IGSF9B: variants seen among roughly 807,000 people sequenced by gnomAD.
The protein encoded by IGSF9B is protein turtle homolog B.
In IGSF9B, 48 loss-of-function variants were observed where a neutral mutation model predicts 143.7. The ratio of observed to expected loss-of-function variants is 0.33; its 90% confidence interval spans 0.26 to 0.42. The LOEUF (loss-of-function observed/expected upper bound fraction) is 0.42. IGSF9B is among the 20% of genes least tolerant of loss of function. The pLI, the probability that IGSF9B is intolerant of heterozygous loss-of-function variation, is 1.00. For missense variants in IGSF9B, 1,706 were observed against 1,980.0 expected (o/e 0.86, Z 2.63); for synonymous variants, 903 against 833.1 (o/e 1.08, Z -1.44).
At chr11:133,932,042 C>T (rs1939741347) in intron 8 of IGSF9B, 29 bp downstream of exon 8, 1 of 1,594,846 alleles carries the variant, frequency 6.3e-7, no homozygotes, top group Admixed American at 1.7e-5. Context: ...AGCCCTCACT[C>T]CAACCCTCAA....
In IGSF9B at chr11:133,926,959, C is replaced by G. The variant is rs1243105005; in HGVS notation, c.1764G>C (p.Leu588=). ...CCACCTCACTGAAGGCGCTGGTTCC[C>G]AGCTTGTTCTGGGCCAGGACGCTGA... ...YQFSVLAQNK[L]GTSAFSEVVT... Residue 588 remains leucine, a synonymous_variant, in exon 13 of 20, where the codon CTG becomes CTC. Transcript: ENST00000533871. The G allele has an allele frequency of 1.9e-6, 3 of 1,597,738 alleles. No homozygotes were observed. Among genetic ancestry groups the G allele is most frequent in the Non-Finnish European group, 2.6e-6 (3 of 1,172,566 alleles).
At chr11:133,946,902 C>G (rs1023607995) in intron 1 of IGSF9B, among the ~76,000 whole-genome samples, 6 of 152,180 alleles carry the variant, frequency 3.9e-5, no homozygotes, top group South Asian at 2.1e-4. Context: ...CAGGCTGAGC[C>G]GGCCTCTCCA....
At chr11:133,939,064 C>A (rs1316263235) in intron 3 of IGSF9B, among the ~76,000 whole-genome samples, 1 of 152,222 alleles carries the variant, frequency 6.6e-6, no homozygotes, top group East Asian at 1.9e-4. Context: ...CTAGTCAGAG[C>A]GCTATAGGAT....
intron 13 of IGSF9B, 82 bp downstream of exon 13, chr11:133,926,834 G>T: frequency 8.3e-7 from 1 of 1,201,694 alleles, no homozygotes; most frequent in Non-Finnish European, 1.2e-6. Context: ...GCACACAGGA[G>T]GCCGACTGCT....
In IGSF9B at chr11:133,919,848, C is replaced by T; in HGVS notation, c.3877G>A (p.Gly1293Arg). Residue 1293 changes from glycine to arginine, a missense_variant, in exon 18 of 20, where the codon GGG becomes AGG. Transcript: ENST00000533871. The part of the protein sequence containing the change: ...PSPPPGPAPA[G>R]PGDSLDVFGQ... ...AACACGTCCAAGCTGTCCCCAGGCC[C>T]AGCAGGGGCGGGGCCGGGTGGAGGG... 1 of 1,584,030 alleles carries T rather than the reference C, an allele frequency of 6.3e-7. No individual in the cohort carries two copies. Among genetic ancestry groups the T allele is most frequent in the Non-Finnish European group, 8.6e-7 (1 of 1,164,804 alleles).
At chr11:133,952,456 C>T (rs1376524743) in intron 1 of IGSF9B, among the ~76,000 whole-genome samples, 2 of 152,214 alleles carry the variant, frequency 1.3e-5, no homozygotes, top group Non-Finnish European at 2.9e-5. Flanking sequence ...TCTCTCTGCT[C>T]TCAGGGCTGC....
At position 133,913,986 on chromosome 11, in the gene IGSF9B, G is replaced by A. The variant is rs1939339902; in HGVS notation, c.3984-1979C>T. On this transcript the variant is annotated intron_variant, in intron 18 of 19. Coordinates refer to ENST00000533871, the MANE Select transcript of IGSF9B (RefSeq NM_001277285.4). The surrounding 1 kb of genome is among the most constrained non-coding windows in gnomAD (Gnocchi z 4.6). ...AGTGCTCTCCAATGTCATCCAGGGC[G>A]ACCGCTGGGGCACGAGAGAAACCGG... Among the ~76,000 whole-genome samples, 1 of 152,178 alleles carries A rather than the reference G, an allele frequency of 6.6e-6. No homozygotes were observed. Among genetic ancestry groups the A allele is most frequent in the African/African-American group, 2.4e-5 (1 of 41,442 alleles).
At position 133,931,825 on chromosome 11, in the gene IGSF9B, C is replaced by A. The variant is rs563443708; in HGVS notation, c.1111-30G>T. ...CAGACACAGACGATAGGGCAGGGAA[C>A]GCTGGTCAGAGACTCCGCGCTCCAT... On this transcript the variant is annotated intron_variant, in intron 8 of 19. Coordinates refer to ENST00000533871, the MANE Select transcript of IGSF9B (RefSeq NM_001277285.4). This position sits in a 1 kb window ranked among gnomAD's most constrained non-coding sequence, Gnocchi z 7.7. 10 of 1,608,402 alleles carry A rather than the reference C, an allele frequency of 6.2e-6. No individual in the cohort carries two copies. In the Admixed American group the frequency reaches 1.7e-4, roughly 27 times the overall value.
rs1939187980 is a variant in IGSF9B at position 133,904,750 on chromosome 11, C to A, written c.*4319G>T. Among the ~76,000 whole-genome samples the A allele has an allele frequency of 6.6e-6, 1 of 151,998 alleles. No individual in the cohort carries two copies. The highest frequency in any genetic ancestry group is 2.4e-5 in the African/African-American group (1 of 41,334). ...CCATCCTAACCCATGCCTGACCTCA[C>A]CCTCTGTGCCCCTTCCAGCCTCACC... On this transcript the variant is annotated 3_prime_UTR_variant, in exon 20 of 20. Coordinates refer to ENST00000533871, the MANE Select transcript of IGSF9B (RefSeq NM_001277285.4).
intron 1 of IGSF9B, among the ~76,000 whole-genome samples, chr11:133,951,751 T>A (rs914904238): frequency 6.6e-6 from 1 of 152,126 alleles, no homozygotes; most frequent in African/African-American, 2.4e-5. Flanking sequence ...CACGCGCCCC[T>A]GCAGCCGGCA....
At chr11:133,950,448 G>A (rs751088188) in intron 1 of IGSF9B, among the ~76,000 whole-genome samples, 7 of 152,182 alleles carry the variant, frequency 4.6e-5, no homozygotes, top group Admixed American at 2.6e-4. Context: ...ATGAGCAAAC[G>A]GGGAGTTGCG....
chr11:133,936,104 C>A lies in IGSF9B; in HGVS notation c.770G>T (p.Gly257Val). 6.2e-7 allele frequency: 1 copy of A among 1,613,522 alleles called. No individual in the cohort carries two copies. The highest frequency in any genetic ancestry group is 8.5e-7 in the Non-Finnish European group (1 of 1,179,716). Residue 257 changes from glycine (G) to valine (V), a missense_variant, in exon 6 of 20, where the codon GGC (glycine) becomes GTC (valine). This residue lies in a region of IGSF9B where 238 missense variants were observed against 452.6 expected (regional missense o/e 0.53). Transcript: ENST00000533871. The part of the protein sequence containing the change: ...LLTCRAEAYP[G>V]NLTYTWYWQD... ...CCAGTACCAGGTGTAGGTGAGGTTG[C>A]CCGGATACGCCTCTGCCCGGCAGGT...
intron 1 of IGSF9B, among the ~76,000 whole-genome samples, chr11:133,949,957 G>A (rs1391565993): frequency 1.3e-5 from 2 of 152,238 alleles, no homozygotes; most frequent in Non-Finnish European, 2.9e-5. Flanking sequence ...TTGGGGGTGT[G>A]TCCAGCTCCC....
chr11:133,917,887 G>C (rs1170513914), intron 18 of IGSF9B, among the ~76,000 whole-genome samples: 2 of 152,098 alleles, frequency 1.3e-5, no homozygotes, highest in Non-Finnish European at 2.9e-5. Context: ...CAAGGGTGCA[G>C]AGATGCAAAG....
At chr11:133,922,356 C>T in intron 16 of IGSF9B, 134 bp from the exon 17 acceptor site, 1 of 978,450 alleles carries the variant, frequency 1.0e-6, no homozygotes, top group African/African-American at 1.6e-5. Context: ...ATCTTTGGCC[C>T]CTGCCTTCAT....
At position 133,905,606 on chromosome 11, in the gene IGSF9B, G is replaced by A. The variant is rs1308156074; in HGVS notation, c.*3463C>T. Among the ~76,000 whole-genome samples, 1 of 152,170 alleles carries A rather than the reference G, an allele frequency of 6.6e-6. No homozygotes were observed. The highest frequency in any genetic ancestry group is 6.5e-5 in the Admixed American group (1 of 15,286). ...ACCCGGCTTCAGTCTTCCCCCAAGC[G>A]CATGGTTGTGGGACTAAGCACCTCA... On this transcript the variant is annotated 3_prime_UTR_variant, in exon 20 of 20. Transcript: ENST00000533871. This position sits in a 1 kb window ranked among gnomAD's most constrained non-coding sequence, Gnocchi z 4.0.
intron 5 of IGSF9B, among the ~76,000 whole-genome samples, chr11:133,937,017 G>C (rs774736315): frequency 1.3e-5 from 2 of 152,188 alleles, no homozygotes; most frequent in Non-Finnish European, 2.9e-5. Context: ...TTTATTTATT[G>C]ATGCCGTCAC....
chr11:133,915,211 G>A lies in IGSF9B; in HGVS notation c.3984-3204C>T, dbSNP rs575217785. ...AGGGCCTCAAAGCCTTGGCACAGAG[G>A]TGTTTTTTGCAGTACAGAACTACCA... On this transcript the variant is annotated intron_variant, in intron 18 of 19. Transcript: ENST00000533871. Among the ~76,000 whole-genome samples, 6 of 151,574 alleles carry A rather than the reference G, an allele frequency of 4.0e-5. No homozygotes were observed. In the South Asian group the frequency reaches 6.3e-4, roughly 16 times the overall value.
rs748708937 is a variant in IGSF9B, at chr11:133,931,420, C to T, written c.1368+33G>A. The T allele has an allele frequency of 2.2e-5, 33 of 1,508,516 alleles. No individual in the cohort carries two copies. In the East Asian group the frequency reaches 6.8e-4, roughly 31 times the overall value. 93.4% of individuals were successfully genotyped at this position (1,508,516 alleles called of 1,614,324 possible). On this transcript the variant is annotated intron_variant, in intron 10 of 19. Coordinates refer to ENST00000533871, the MANE Select transcript of IGSF9B (RefSeq NM_001277285.4). This position sits in a 1 kb window ranked among gnomAD's most constrained non-coding sequence, Gnocchi z 7.7. ...CAGGGCTCCCTGGGCCCTCACACCT[C>T]CCTGCAGACCCAGGGCTCCAGGGCC...
Sources: gnomAD v4.1 joint callset for allele counts (sites outside exome capture counted in the v4.1 genomes callset) on GRCh38, gnomAD v4.1.1 for gene constraint, gnomAD v4.1.1 regional missense constraint, Gnocchi (gnomAD v3.1) non-coding constraint, MANE v1.5 for transcripts, NCBI Gene and HGNC (gene_info 2026-07-23, HGNC 2026-07-21) for gene names.